MIS18BP1: variants seen among roughly 807,000 people sequenced by gnomAD.
MIS18BP1 encodes the protein mis18-binding protein 1.
MIS18BP1 carries 72 observed loss-of-function variants against 116.1 expected under a neutral mutation model. The ratio of observed to expected loss-of-function variants is 0.62; its 90% confidence interval spans 0.51 to 0.75. The LOEUF is 0.75. MIS18BP1 is among the 30% of genes least tolerant of loss of function. MIS18BP1 has a pLI of 0.00. For missense variants in MIS18BP1, 1,363 were observed against 1,303.2 expected, an observed-to-expected ratio of 1.05 and a Z score of -0.71; for synonymous variants, 386 against 427.0, an observed-to-expected ratio of 0.90 and a Z score of 1.18.
chr14:45,229,999 G>A (rs1891231377), intron 8 of MIS18BP1, among the ~76,000 whole-genome samples: 1 of 151,398 alleles, frequency 6.6e-6, no homozygotes, highest in Non-Finnish European at 1.5e-5. Context: ...GCATTAGAAA[G>A]GATAAGCAAA....
In MIS18BP1 at chr14:45,205,292, A is replaced by G. The variant is rs149641095; in HGVS notation, c.3240+791T>C. Among the ~76,000 whole-genome samples the G allele has an allele frequency of 4.6e-5, 7 of 152,242 alleles. No individual in the cohort carries two copies. The East Asian group carries it at 1.2e-3, about 25-fold the overall frequency. ...ATATAATCATGATCCCCATTGTCATACCACACATGAATAAAATGGTATTAG... is the reference window on the plus strand; with the variant it reads ...ATATAATCATGATCCCCATTGTCATGCCACACATGAATAAAATGGTATTAG... On this transcript the variant is annotated intron_variant, in intron 15 of 16. Coordinates refer to ENST00000310806, the MANE Select transcript of MIS18BP1 (RefSeq NM_018353.5).
chr14:45,206,104 C>T lies in MIS18BP1; in HGVS notation c.3219G>A (p.Trp1073Ter). 1 of 1,606,190 alleles carries T rather than the reference C, an allele frequency of 6.2e-7. No individual in the cohort carries two copies. Among genetic ancestry groups the T allele is most frequent in the Non-Finnish European group, 8.5e-7 (1 of 1,173,974 alleles). ...TTACTAATTTTTTCTTGATGTTGCC[C>T]CAGACAATACCACCATTACTTTTAT... Reference protein sequence around the residue: ...KYHKSNGGIVWGNIKKKLVET... With the variant: ...KYHKSNGGIV The change falls in exon 15 of 17, where the codon TGG (tryptophan) becomes TGA (stop). Residue 1073 changes from tryptophan to a stop codon, truncating the protein, a stop_gained. Transcript: ENST00000310806. LOFTEE classifies it high-confidence loss of function.
chr14:45,236,000 C>A, intron 5 of MIS18BP1, 56 bp from the exon 6 acceptor site: 3 of 1,464,046 alleles, frequency 2.0e-6, no homozygotes, highest in South Asian at 2.5e-5. Context: ...AAATTTCTAA[C>A]AGAAAATAAT....
intron 8 of MIS18BP1, among the ~76,000 whole-genome samples, chr14:45,229,336 C>A (rs1319453137): frequency 6.6e-6 from 1 of 151,888 alleles, no homozygotes; most frequent in Admixed American, 6.6e-5. Context: ...AGGATCCCAT[C>A]TCTACAAGAA....
chr14:45,243,318 TTTAAAAA>T (rs1389408919), intron 2 of MIS18BP1, among the ~76,000 whole-genome samples: 1 of 152,192 alleles, frequency 6.6e-6, no homozygotes, highest in Non-Finnish European at 1.5e-5. Context: ...TAACTTATTC[TTTAAAAA>T]TTAAAATGTT....
Position 45,207,435 on chromosome 14 carries a change from G to T in MIS18BP1, c.3153-1265C>A, listed in dbSNP as rs192552485. Among the ~76,000 whole-genome samples, 434 of 152,312 alleles carry T rather than the reference G, an allele frequency of 2.8e-3. 5 individuals are homozygous for T. Among genetic ancestry groups the T allele is most frequent in the Admixed American group, 0.021 (316 of 15,300 alleles). ...GGAGGCTGAGGCTGGCGGATTACCT[G>T]AAGTCAGGAGTTCAAGACCAGCCTG... is the stretch of plus-strand genomic sequence containing the variant. On this transcript the variant is annotated intron_variant, in intron 14 of 16. Coordinates refer to ENST00000310806, the MANE Select transcript of MIS18BP1 (RefSeq NM_018353.5).
chr14:45,224,059 A>G lies in MIS18BP1; in HGVS notation c.2528T>C (p.Leu843Pro), dbSNP rs1891050831. The G allele has an allele frequency of 1.2e-6, 2 of 1,613,864 alleles. No individual in the cohort carries two copies. Among genetic ancestry groups the G allele is most frequent in the African/African-American group, 2.7e-5 (2 of 75,042 alleles). The stretch of plus-strand genomic sequence containing the variant: ...CTCTTTCCTAACACCAGACTTCTGA[A>G]GAGTTTCTTTGACGGAAGGTCTAGC... ...KKARPSVKET[L>P]QKSGVRKEFP... Residue 843 changes from leucine (L) to proline (P), a missense_variant, in exon 11 of 17, where the codon CTT (leucine) becomes CCT (proline). Transcript: ENST00000310806.
chr14:45,237,761 C>T, intron 4 of MIS18BP1, 40 bp from the exon 5 acceptor site: 1 of 1,553,512 alleles, frequency 6.4e-7, no homozygotes. Flanking sequence ...TCCTGTATTA[C>T]TTGCAGCACA....
chr14:45,204,201 T>C lies in MIS18BP1; in HGVS notation c.3307A>G (p.Asn1103Asp), dbSNP rs1478075478. ...KTPFNTDLGENSGIGKLFTNA... is the reference protein window; with the variant it reads ...KTPFNTDLGEDSGIGKLFTNA... ...GTGAAAAGTTTTCCAATACCAGAGTTTTCTCCTAAGTCTGTAAAGAGAAGT... is the reference window on the plus strand; with the variant it reads ...GTGAAAAGTTTTCCAATACCAGAGTCTTCTCCTAAGTCTGTAAAGAGAAGT... Residue 1103 changes from asparagine to aspartate, a missense_variant, in exon 17 of 17, where the codon AAC becomes GAC. Physicochemically the swap from Asn to Asp is conservative, Grantham distance 23. Coordinates refer to ENST00000310806, the MANE Select transcript of MIS18BP1 (RefSeq NM_018353.5). 6 of 1,609,140 alleles carry C rather than the reference T, an allele frequency of 3.7e-6. No individual in the cohort carries two copies. In the Admixed American group the frequency reaches 1.0e-4, roughly 27 times the overall value.
chr14:45,224,325 T>C lies in MIS18BP1; in HGVS notation c.2262A>G (p.Ile754Met). Reference sequence around the variant, plus strand: ...AAAATGACATAGCTACCTGATTTTCTATTTTCTTCAATTTTGGTAATAGTC... The same window carrying C: ...AAAATGACATAGCTACCTGATTTTCCATTTTCTTCAATTTTGGTAATAGTC... ...NTRLLPKLKK[I>M]ENQVAMSFYK... Residue 754 changes from isoleucine (I) to methionine (M), a missense_variant, in exon 11 of 17, where the codon ATA becomes ATG. Physicochemically the swap from Ile to Met is conservative, Grantham distance 10 (BLOSUM62 1). Coordinates refer to ENST00000310806, the MANE Select transcript of MIS18BP1 (RefSeq NM_018353.5). The C allele has an allele frequency of 6.2e-7, 1 of 1,613,986 alleles. No homozygotes were observed. Among genetic ancestry groups the C allele is most frequent in the South Asian group, 1.1e-5 (1 of 91,060 alleles).
chr14:45,241,299 G>A (rs902306180), intron 4 of MIS18BP1, among the ~76,000 whole-genome samples: 11 of 152,090 alleles, frequency 7.2e-5, no homozygotes, highest in Admixed American at 1.3e-4. Flanking sequence ...GTAAAACCCC[G>A]TCTCTACTAA....
intron 15 of MIS18BP1, among the ~76,000 whole-genome samples, chr14:45,205,228 T>C (rs1322152301): frequency 2.0e-5 from 3 of 152,142 alleles, no homozygotes; most frequent in Non-Finnish European, 4.4e-5. Context: ...CACTGCATTA[T>C]ATCATTTAGA....
chr14:45,232,242 CT>C (rs1273762715), intron 7 of MIS18BP1, among the ~76,000 whole-genome samples: 3 of 151,886 alleles, frequency 2.0e-5, no homozygotes, highest in East Asian at 3.9e-4. Context: ...TGGTGAAACC[CT>C]GTCTCTACTA....
intron 11 of MIS18BP1, among the ~76,000 whole-genome samples, chr14:45,218,703 A>C (rs983948397): frequency 6.6e-6 from 1 of 151,416 alleles, no homozygotes; most frequent in African/African-American, 2.4e-5. Flanking sequence ...GTGTTTTATT[A>C]AGCCTGAAAA....
chr14:45,239,808 G>A (rs1891526889), intron 4 of MIS18BP1, among the ~76,000 whole-genome samples: 3 of 152,178 alleles, frequency 2.0e-5, no homozygotes, highest in Admixed American at 2.0e-4. Flanking sequence ...GTTGAACAGT[G>A]AGAAGAGGCC....
intron 14 of MIS18BP1, 161 bp downstream of exon 14, chr14:45,210,219 T>C: frequency 3.0e-6 from 2 of 672,292 alleles, no homozygotes; most frequent in Non-Finnish European, 4.8e-6. Context: ...GCACCCCGAT[T>C]TGATGAACTT....
intron 14 of MIS18BP1, among the ~76,000 whole-genome samples, chr14:45,207,575 T>G (rs10143794): frequency 1.3e-5 from 2 of 152,006 alleles, no homozygotes; most frequent in Non-Finnish European, 2.9e-5. Flanking sequence ...TGCTTGAACC[T>G]GGTAGATGGA....
chr14:45,248,055 G>GTTTTTTTTTT (rs3036381), intron 1 of MIS18BP1, among the ~76,000 whole-genome samples: 47 of 109,224 alleles, frequency 4.3e-4, no homozygotes, highest in African/African-American at 8.8e-4. Flanking sequence ...TGTTTCTTTC[G>GTTTTTTTTTT]TTTTTTTTTT....
chr14:45,218,769 G>T (rs1299276035), intron 11 of MIS18BP1, among the ~76,000 whole-genome samples: 1 of 151,564 alleles, frequency 6.6e-6, no homozygotes, highest in African/African-American at 2.4e-5. Context: ...CGATGATACG[G>T]TTTTTTAGGA....
Sources: gnomAD v4.1 joint callset for allele counts (sites outside exome capture counted in the v4.1 genomes callset) on GRCh38, gnomAD v4.1.1 for gene constraint, MANE v1.5 for transcripts, NCBI Gene and HGNC (gene_info 2026-07-23, HGNC 2026-07-21) for gene names.